Variants in MLLT3 observed in about 807,000 individuals in gnomAD.
The protein encoded by MLLT3 is protein AF-9.
In MLLT3, 4 loss-of-function variants were observed where a neutral mutation model predicts 53.2. The ratio of observed to expected loss-of-function variants is 0.08; its 90% confidence interval spans 0.04 to 0.17. The LOEUF is 0.17. Ranked by LOEUF, MLLT3 falls within the 10% of genes least tolerant of loss-of-function variation. The probability of loss-of-function intolerance (pLI) is 1.00; values close to 1 mark genes in which losing one functional copy is unlikely to be tolerated. For missense variants in MLLT3, 569 were observed against 684.0 expected (o/e 0.83, Z 1.87); for synonymous variants, 283 against 230.6 (o/e 1.23, Z -2.06).
At chr9:20,591,071 A>G (rs796230961) in intron 2 of MLLT3, among the ~76,000 whole-genome samples, 14 of 152,294 alleles carry the variant, frequency 9.2e-5, no homozygotes, top group African/African-American at 3.4e-4. Flanking sequence ...TAAAAAGAAC[A>G]CAAGGGACAT....
intron 2 of MLLT3, among the ~76,000 whole-genome samples, chr9:20,571,342 T>G (rs573440262): frequency 6.6e-6 from 1 of 152,262 alleles, no homozygotes; most frequent in South Asian, 2.1e-4. Flanking sequence ...GATGACCTAT[T>G]AATAGGAGAA....
At chr9:20,428,839 TAAG>T (rs1823197386) in intron 4 of MLLT3, among the ~76,000 whole-genome samples, 1 of 151,906 alleles carries the variant, frequency 6.6e-6, no homozygotes, top group Non-Finnish European at 1.5e-5. Flanking sequence ...ATAAAACAGA[TAAG>T]AATATATCAT....
chr9:20,601,820 T>C (rs1820429705), intron 2 of MLLT3, among the ~76,000 whole-genome samples: 1 of 152,208 alleles, frequency 6.6e-6, no homozygotes, highest in South Asian at 2.1e-4. Context: ...ATGGTGGGTA[T>C]AAATAGCACC....
intron 5 of MLLT3, among the ~76,000 whole-genome samples, chr9:20,391,587 T>C (rs1822180853): frequency 1.3e-5 from 2 of 152,220 alleles, no homozygotes; most frequent in African/African-American, 4.8e-5. Context: ...CCTATCCATC[T>C]ATTTATTTAC....
chr9:20,346,435 T>TAA lies in MLLT3; in HGVS notation c.*7_*8insTT. 1 of 1,603,440 alleles carries TAA rather than the reference T, an allele frequency of 6.2e-7. No individual in the cohort carries two copies. Among genetic ancestry groups the TAA allele is most frequent in the Non-Finnish European group, 8.5e-7 (1 of 1,176,712 alleles). ...CAATAGTTCTTGATGCATCCAGTTG[T>TAA]TATATCCTCAGGATGTTCCAGATGT... is the stretch of plus-strand genomic sequence containing the variant. On this transcript the variant is annotated 3_prime_UTR_variant, in exon 11 of 11. Transcript: ENST00000380338.
rs182452629 is a variant in MLLT3 at position 20,382,685 on chromosome 9, A to G, written c.1126-16941T>C. Among the ~76,000 whole-genome samples, 60 of 152,036 alleles carry G rather than the reference A, an allele frequency of 3.9e-4. 1 individual carries two copies. Among genetic ancestry groups the G allele is most frequent in the Admixed American group, 3.9e-3 (60 of 15,248 alleles). On this transcript the variant is annotated intron_variant, in intron 5 of 10. Coordinates refer to ENST00000380338, the MANE Select transcript of MLLT3 (RefSeq NM_004529.4). ...ACTACTGTATGTGTGGTAAGCAGAC[A>G]TTCTTCTAGAGAGATCGGATGTCAA...
Position 20,419,334 on chromosome 9 carries a change from C to T in MLLT3, c.421-4909G>A, listed in dbSNP as rs917928717. On this transcript the variant is annotated intron_variant, in intron 4 of 10. Coordinates refer to ENST00000380338, the MANE Select transcript of MLLT3 (RefSeq NM_004529.4). ...CAAAGCACAAAGTAAAAATACAAAG[C>T]GATGAAAGTCATAATGGGAAAAGAG... is the stretch of plus-strand genomic sequence containing the variant. Among the ~76,000 whole-genome samples the T allele has an allele frequency of 3.3e-5, 5 of 151,340 alleles. 1 individual carries two copies. The highest frequency in any genetic ancestry group is 3.9e-4 in the East Asian group (2 of 5,176).
chr9:20,360,970 G>A (rs1187199034), intron 7 of MLLT3, 129 bp from the exon 8 acceptor site: 12 of 744,260 alleles, frequency 1.6e-5, no homozygotes, highest in South Asian at 4.8e-5. Context: ...ACTCACAGCC[G>A]CTAACACATA....
In MLLT3 at chr9:20,579,454, C is replaced by G. The variant is rs138071199; in HGVS notation, c.193+41200G>C. Among the ~76,000 whole-genome samples the G allele has an allele frequency of 2.0e-5, 3 of 151,838 alleles. No homozygotes were observed. In the East Asian group the frequency reaches 5.8e-4, roughly 29 times the overall value. ...AAAGAACAAAACAACTTGGTATCAT[C>G]GAGAAACAAGAGGAAATGTCCTTCT... On this transcript the variant is annotated intron_variant, in intron 2 of 10. Coordinates refer to ENST00000380338, the MANE Select transcript of MLLT3 (RefSeq NM_004529.4).
intron 10 of MLLT3, among the ~76,000 whole-genome samples, chr9:20,349,508 A>G (rs1238117099): frequency 1.3e-5 from 2 of 151,834 alleles, no homozygotes; most frequent in African/African-American, 2.4e-5. Context: ...TGCAGAAACT[A>G]AAACTCAGAA....
At chr9:20,390,237 T>C (rs142580538) in intron 5 of MLLT3, among the ~76,000 whole-genome samples, 3 of 152,306 alleles carry the variant, frequency 2.0e-5, no homozygotes, top group East Asian at 3.9e-4. Flanking sequence ...TAAGTTTAAA[T>C]AGAGATCTTA....
chr9:20,404,476 C>T (rs3780830), intron 5 of MLLT3, among the ~76,000 whole-genome samples: 22,179 of 152,074 alleles, frequency 0.15, 3,959 homozygotes, highest in African/African-American at 0.42. Flanking sequence ...CCACATTTTA[C>T]GGCTCTCTAC....
intron 9 of MLLT3, 117 bp downstream of exon 9, chr9:20,354,691 T>A: frequency 1.4e-6 from 1 of 711,570 alleles, no homozygotes; most frequent in Non-Finnish European, 2.5e-6. Flanking sequence ...TTTGGGCATC[T>A]TGGACACTTT....
chr9:20,441,622 C>A lies in MLLT3; in HGVS notation c.420+6501G>T, dbSNP rs373192596. Among the ~76,000 whole-genome samples, 5 of 152,200 alleles carry A rather than the reference C, an allele frequency of 3.3e-5. No individual in the cohort carries two copies. The South Asian group carries it at 6.2e-4, about 19-fold the overall frequency. On this transcript the variant is annotated intron_variant, in intron 4 of 10. Coordinates refer to ENST00000380338, the MANE Select transcript of MLLT3 (RefSeq NM_004529.4). ...TTCGTCTTACATTTATTTAAATAAA[C>A]CACCTTTTATCAGTGCCAGTAAAAA... is the stretch of plus-strand genomic sequence containing the variant.
chr9:20,572,601 C>G (rs1401102081), intron 2 of MLLT3, among the ~76,000 whole-genome samples: 4 of 152,142 alleles, frequency 2.6e-5, no homozygotes, highest in Non-Finnish European at 5.9e-5. Context: ...CGAGGCCAGC[C>G]TGGCCAAAAT....
chr9:20,563,058 A>G (rs968506157), intron 2 of MLLT3, among the ~76,000 whole-genome samples: 2 of 152,172 alleles, frequency 1.3e-5, no homozygotes, highest in African/African-American at 4.8e-5. Flanking sequence ...TGGAGCTAAG[A>G]GCTAAGAAGC....
chr9:20,382,333 T>A (rs751844949), intron 5 of MLLT3: 1 of 151,878 alleles, frequency 6.6e-6, no homozygotes, highest in Non-Finnish European at 1.5e-5. Flanking sequence ...TTACATATAG[T>A]TTATCTTTAA....
At chr9:20,386,168 A>G (rs1442206679) in intron 5 of MLLT3, among the ~76,000 whole-genome samples, 2 of 152,196 alleles carry the variant, frequency 1.3e-5, no homozygotes, top group African/African-American at 4.8e-5. Context: ...ACTTTACATA[A>G]TGTTATCTGA....
chr9:20,405,517 T>C (rs1356220104), intron 5 of MLLT3, among the ~76,000 whole-genome samples: 5 of 152,234 alleles, frequency 3.3e-5, no homozygotes, highest in Admixed American at 2.0e-4. Flanking sequence ...TTTGGCATTA[T>C]TCAGACCTGG....
Sources: gnomAD v4.1 joint callset for allele counts (sites outside exome capture counted in the v4.1 genomes callset) on GRCh38, gnomAD v4.1.1 for gene constraint, MANE v1.5 for transcripts, NCBI Gene and HGNC (gene_info 2026-07-23, HGNC 2026-07-21) for gene names.